Variants in SNTG2 observed in about 807,000 individuals in gnomAD.
SNTG2 encodes syntrophin gamma 2, also known as gamma-2-syntrophin.
In SNTG2, 74 loss-of-function variants were observed where a neutral mutation model predicts 70.9. The observed-to-expected ratio is 1.04, with a 90% CI of 0.86 to 1.27. SNTG2 has a LOEUF of 1.27. SNTG2 is among the 50% of genes most tolerant of loss of function. SNTG2 has a pLI of 0.00. For missense variants in SNTG2, 717 were observed against 690.7 expected, an observed-to-expected ratio of 1.04 and a Z score of -0.43; for synonymous variants, 278 against 273.8, an observed-to-expected ratio of 1.02 and a Z score of -0.15.
chr2:1,031,528 A>ATATATATATTTTTTTTTTTT, intron 1 of SNTG2, among the ~76,000 whole-genome samples: 8 of 59,120 alleles, frequency 1.4e-4, no homozygotes, highest in East Asian at 2.9e-4. Flanking sequence ...ATATATATAT[A>ATATATATATTTTTTTTTTTT]TTTTTTTTTT....
chr2:989,303 C>T (rs375514957), intron 1 of SNTG2, among the ~76,000 whole-genome samples: 1 of 152,084 alleles, frequency 6.6e-6, no homozygotes, highest in South Asian at 2.1e-4. Context: ...AGTGGTGTTC[C>T]TGATTTCAGG....
intron 2 of SNTG2, among the ~76,000 whole-genome samples, chr2:1,088,978 G>A (rs975624837): frequency 6.6e-6 from 1 of 152,234 alleles, no homozygotes; most frequent in Non-Finnish European, 1.5e-5. Flanking sequence ...AAAGTGCTGG[G>A]AAAAGTGCAG....
At chr2:1,304,949 A>G (rs1680610823) in intron 14 of SNTG2, among the ~76,000 whole-genome samples, 1 of 152,168 alleles carries the variant, frequency 6.6e-6, no homozygotes, top group South Asian at 2.1e-4. Context: ...TTTTCATATA[A>G]AGAGTTCTAA....
At position 1,228,221 on chromosome 2, in the gene SNTG2, CTG is replaced by C. The variant is rs574558146; in HGVS notation, c.720-9664_720-9663del. Among the ~76,000 whole-genome samples the C allele has an allele frequency of 4.6e-5, 7 of 152,358 alleles. No individual in the cohort carries two copies. In the South Asian group the frequency reaches 1.4e-3, roughly 32 times the overall value. ...GGCGGGGGGCCCTCGTGGTCATGGA[CTG>C]TGAATTACCCATGTTCACATGTGTG... On this transcript the variant is annotated intron_variant, in intron 9 of 16. Coordinates refer to ENST00000308624, the MANE Select transcript of SNTG2 (RefSeq NM_018968.4).
chr2:1,212,733 C>T (rs1417460456), intron 9 of SNTG2, among the ~76,000 whole-genome samples: 1 of 152,152 alleles, frequency 6.6e-6, no homozygotes, highest in East Asian at 1.9e-4. Flanking sequence ...CTTAGCTCCA[C>T]CTTACCTGTA....
Position 973,031 on chromosome 2 carries a change from T to C in SNTG2, c.72+21963T>C, listed in dbSNP as rs147193107. Among the ~76,000 whole-genome samples, 304 of 152,380 alleles carry C rather than the reference T, an allele frequency of 2.0e-3. 1 individual carries two copies. Among genetic ancestry groups the C allele is most frequent in the African/African-American group, 7.0e-3 (292 of 41,594 alleles). ...ATATTTCTTACCTCTCATATTTTGC[T>C]CTAGTTAGCATATGTTTTGCTTCCA... On this transcript the variant is annotated intron_variant, in intron 1 of 16. Coordinates refer to ENST00000308624, the MANE Select transcript of SNTG2 (RefSeq NM_018968.4).
At chr2:1,241,472 T>TA (rs1390618412) in intron 11 of SNTG2, among the ~76,000 whole-genome samples, 16 of 124,512 alleles carry the variant, frequency 1.3e-4, no homozygotes, top group South Asian at 5.7e-4. Context: ...TTTCTTTTTT[T>TA]TTTATTATTA....
intron 16 of SNTG2, among the ~76,000 whole-genome samples, chr2:1,334,660 A>G (rs552772719): frequency 6.6e-6 from 1 of 152,338 alleles, no homozygotes; most frequent in South Asian, 2.1e-4. Context: ...ATGGAGCTGG[A>G]AGCCATTATT....
At chr2:1,184,608 C>T (rs1672132345) in intron 8 of SNTG2, among the ~76,000 whole-genome samples, 1 of 152,036 alleles carries the variant, frequency 6.6e-6, no homozygotes, top group African/African-American at 2.4e-5. Context: ...CTTCACATGG[C>T]CAGAGCAGGA....
intron 13 of SNTG2, among the ~76,000 whole-genome samples, chr2:1,265,048 T>C (rs1678648431): frequency 6.6e-6 from 1 of 152,182 alleles, no homozygotes. Context: ...AACCCCTGGG[T>C]TGTTCAAGGC....
chr2:1,263,468 G>GA (rs1319953006), intron 13 of SNTG2, among the ~76,000 whole-genome samples: 1 of 151,374 alleles, frequency 6.6e-6, no homozygotes, highest in South Asian at 2.1e-4. Flanking sequence ...AATATAAATA[G>GA]AAAAAATATG....
chr2:1,219,024 A>G (rs1460693748), intron 9 of SNTG2, among the ~76,000 whole-genome samples: 2 of 152,150 alleles, frequency 1.3e-5, no homozygotes, highest in African/African-American at 2.4e-5. Flanking sequence ...TATAATCCCC[A>G]GTGCTGGAGG....
At chr2:1,331,333 G>A (rs1374022472) in intron 16 of SNTG2, among the ~76,000 whole-genome samples, 1 of 152,204 alleles carries the variant, frequency 6.6e-6, no homozygotes, top group Non-Finnish European at 1.5e-5. Flanking sequence ...AGCATGCTGT[G>A]TAAATTTGGG....
chr2:1,367,338 T>C lies in SNTG2; in HGVS notation c.1489-5T>C, dbSNP rs1422235989. On this transcript the variant is annotated splice_region_variant and splice_polypyrimidine_tract_variant and intron_variant, in intron 16 of 16. Coordinates refer to ENST00000308624, the MANE Select transcript of SNTG2 (RefSeq NM_018968.4). ...ATAAACACTTGATCTGATTTTCTCC[T>C]CCAGGAACTCGAGTTCCAGGACCTG... 4 of 1,530,178 alleles carry C rather than the reference T, an allele frequency of 2.6e-6. No individual in the cohort carries two copies. Among genetic ancestry groups the C allele is most frequent in the South Asian group, 2.5e-5 (2 of 79,578 alleles). 94.8% of individuals were successfully genotyped at this position (1,530,178 alleles called of 1,614,324 possible). A position where few individuals can be genotyped will look rare whatever the true frequency, so the allele number is the denominator to read the frequency against.
chr2:974,844 C>G (rs1660857816), intron 1 of SNTG2, among the ~76,000 whole-genome samples: 1 of 152,138 alleles, frequency 6.6e-6, no homozygotes, highest in African/African-American at 2.4e-5. Flanking sequence ...CTCTGACATT[C>G]TCTGTGGTTA....
intron 1 of SNTG2, among the ~76,000 whole-genome samples, chr2:1,067,518 A>G (rs1663235498): frequency 6.6e-6 from 1 of 152,190 alleles, no homozygotes; most frequent in Non-Finnish European, 1.5e-5. Context: ...GAAACCTAAT[A>G]TCTTTTTTCT....
intron 4 of SNTG2, among the ~76,000 whole-genome samples, chr2:1,132,648 C>T (rs889449755): frequency 1.8e-4 from 28 of 152,152 alleles, no homozygotes; most frequent in Admixed American, 1.6e-3. Flanking sequence ...AGCGGAGTTG[C>T]GGGGTTGGCT....
intron 16 of SNTG2, among the ~76,000 whole-genome samples, chr2:1,335,003 A>T (rs1659728540): frequency 6.6e-6 from 1 of 152,228 alleles, no homozygotes; most frequent in African/African-American, 2.4e-5. Flanking sequence ...CAGAAAAGTG[A>T]ATTGTTTCTT....
chr2:1,265,561 A>G (rs918785574), intron 13 of SNTG2, among the ~76,000 whole-genome samples: 4 of 152,228 alleles, frequency 2.6e-5, no homozygotes, highest in Non-Finnish European at 4.4e-5. Flanking sequence ...GAGCCAGGGC[A>G]TCCCCCCGGA....
Sources: allele counts gnomAD v4.1 joint callset (sites outside exome capture counted in the v4.1 genomes callset), GRCh38; gene constraint gnomAD v4.1.1; transcripts MANE v1.5; gene names NCBI Gene and HGNC (gene_info 2026-07-23, HGNC 2026-07-21).